CTNNA3: variants seen among roughly 807,000 people sequenced by gnomAD.
CTNNA3 encodes the protein catenin alpha 3.
In CTNNA3, 76 loss-of-function variants were observed where a neutral mutation model predicts 95.7. That is an observed-to-expected ratio of 0.79 (90% CI 0.66 to 0.96). The LOEUF (loss-of-function observed/expected upper bound fraction) is 0.96, where lower values mean the gene tolerates loss of function less well. Ranked by LOEUF, CTNNA3 falls within the 40% of genes least tolerant of loss-of-function variation. CTNNA3 has a pLI of 0.00. For synonymous variants in CTNNA3, 431 were observed against 374.4 expected (o/e 1.15, Z -1.74); for missense variants, 1,191 against 1,089.8 (o/e 1.09, Z -1.31).
At chr10:65,934,889 A>C (rs1000635962) in intron 17 of CTNNA3, among the ~76,000 whole-genome samples, 52 of 152,108 alleles carry the variant, frequency 3.4e-4, no homozygotes, top group Admixed American at 3.4e-3. Flanking sequence ...GGAGCTCTGT[A>C]GCCTTTTAGA....
chr10:66,713,565 A>G (rs914702172), intron 9 of CTNNA3, among the ~76,000 whole-genome samples: 3 of 152,038 alleles, frequency 2.0e-5, no homozygotes, highest in Admixed American at 6.6e-5. Context: ...AATAGATTAT[A>G]TCCTGGCAAC....
At chr10:67,383,342 G>A (rs1844021325) in intron 5 of CTNNA3, among the ~76,000 whole-genome samples, 2 of 152,242 alleles carry the variant, frequency 1.3e-5, no homozygotes, top group South Asian at 2.1e-4. Context: ...CATTACATGC[G>A]TAATGCTATT....
intron 13 of CTNNA3, among the ~76,000 whole-genome samples, chr10:66,191,535 T>A (rs1251862971): frequency 1.3e-5 from 2 of 152,006 alleles, no homozygotes; most frequent in African/African-American, 2.4e-5. Context: ...ACTTCCGTCA[T>A]TACTAGCAGC....
At chr10:66,162,733 G>A (rs954236313) in intron 13 of CTNNA3, among the ~76,000 whole-genome samples, 3 of 152,084 alleles carry the variant, frequency 2.0e-5, no homozygotes, top group Non-Finnish European at 2.9e-5. Context: ...AGGTATAGTA[G>A]TATGGAGAGG....
chr10:66,567,650 A>G (rs557288766), intron 10 of CTNNA3, among the ~76,000 whole-genome samples: 1 of 152,216 alleles, frequency 6.6e-6, no homozygotes, highest in South Asian at 2.1e-4. Flanking sequence ...TAAACGAGAG[A>G]GAGAGGAAAA....
chr10:66,092,318 G>C (rs566596134), intron 14 of CTNNA3, among the ~76,000 whole-genome samples: 1 of 151,978 alleles, frequency 6.6e-6, no homozygotes, highest in Middle Eastern at 3.4e-3. Flanking sequence ...ACAGCATTCA[G>C]AAAGACTCCT....
chr10:65,993,347 G>A (rs2078582477), intron 15 of CTNNA3, among the ~76,000 whole-genome samples: 1 of 152,176 alleles, frequency 6.6e-6, no homozygotes, highest in South Asian at 2.1e-4. Context: ...GAGTGTTGAA[G>A]TCTCCAACTA....
At position 66,032,941 on chromosome 10, in the gene CTNNA3, T is replaced by C. The variant is rs182285838; in HGVS notation, c.2159+36367A>G. On this transcript the variant is annotated intron_variant, in intron 15 of 17. Transcript: ENST00000433211. ...TCAAGGGACTTGCCCAAGGTCACCA[T>C]GTTTGGTAGAAGCAAAACAAATAGC... Among the ~76,000 whole-genome samples, 244 of 152,194 alleles carry C rather than the reference T, an allele frequency of 1.6e-3. 2 individuals carry two copies. The highest frequency in any genetic ancestry group is 5.4e-3 in the African/African-American group (225 of 41,550).
At chr10:66,306,819 A>C (rs7077010) in intron 12 of CTNNA3, among the ~76,000 whole-genome samples, 42,914 of 152,134 alleles carry the variant, frequency 0.28, 6,868 homozygotes, top group East Asian at 0.51. Context: ...CTTTGCATAC[A>C]AAAGTACATC....
intron 12 of CTNNA3, among the ~76,000 whole-genome samples, chr10:66,377,348 A>G (rs1162250269): frequency 6.6e-6 from 1 of 152,110 alleles, no homozygotes; most frequent in African/African-American, 2.4e-5. Flanking sequence ...AGAAGAAAAC[A>G]GATTTTTTTC....
chr10:66,168,461 T>C (rs1425894010), intron 13 of CTNNA3, among the ~76,000 whole-genome samples: 2 of 152,212 alleles, frequency 1.3e-5, no homozygotes, highest in East Asian at 3.8e-4. Context: ...TCAGTGGTTT[T>C]TTTCTGTTCA....
chr10:66,042,751 T>C (rs2079722706), intron 15 of CTNNA3, among the ~76,000 whole-genome samples: 1 of 150,586 alleles, frequency 6.6e-6, no homozygotes, highest in Non-Finnish European at 1.5e-5. Flanking sequence ...AATAAAAAAA[T>C]TAGCCAGGTG....
chr10:65,956,126 T>G (rs2077724823), intron 17 of CTNNA3, among the ~76,000 whole-genome samples: 1 of 152,160 alleles, frequency 6.6e-6, no homozygotes, highest in South Asian at 2.1e-4. Flanking sequence ...GGAGGGTGTA[T>G]GTGTCCAGCA....
intron 9 of CTNNA3, among the ~76,000 whole-genome samples, chr10:66,685,319 A>ATG (rs1413994687): frequency 2.6e-3 from 50 of 19,338 alleles, no homozygotes; most frequent in African/African-American, 0.013. Flanking sequence ...GTGTGTGTGT[A>ATG]TGTGTGTATA....
intron 3 of CTNNA3, among the ~76,000 whole-genome samples, chr10:67,604,018 A>G (rs1843171682): frequency 6.6e-6 from 1 of 152,190 alleles, no homozygotes; most frequent in Non-Finnish European, 1.5e-5. Context: ...GTTTAGATAT[A>G]CAAATACTTA....
chr10:66,796,516 A>T (rs1230089530), intron 7 of CTNNA3, among the ~76,000 whole-genome samples: 1 of 152,122 alleles, frequency 6.6e-6, no homozygotes, highest in Non-Finnish European at 1.5e-5. Flanking sequence ...TAATTTAAAA[A>T]TTTAAAATAT....
intron 7 of CTNNA3, among the ~76,000 whole-genome samples, chr10:66,805,276 A>G (rs1841593889): frequency 6.6e-6 from 1 of 151,876 alleles, no homozygotes; most frequent in South Asian, 2.1e-4. Context: ...CGTGTGTACA[A>G]CTATATGCTG....
At chr10:66,665,439 TGA>T (rs1238997489) in intron 9 of CTNNA3, among the ~76,000 whole-genome samples, 4 of 152,246 alleles carry the variant, frequency 2.6e-5, no homozygotes, top group Admixed American at 2.0e-4. Flanking sequence ...ATTTCAATAA[TGA>T]TTCCTGCAAA....
intron 15 of CTNNA3, among the ~76,000 whole-genome samples, chr10:66,060,497 A>C (rs911463209): frequency 2.0e-5 from 3 of 152,152 alleles, no homozygotes; most frequent in African/African-American, 4.8e-5. Context: ...TGGAAGATAA[A>C]ATAACAGCAA....
Sources: allele counts gnomAD v4.1 joint callset (sites outside exome capture counted in the v4.1 genomes callset), GRCh38; gene constraint gnomAD v4.1.1; transcripts MANE v1.5; gene names NCBI Gene and HGNC (gene_info 2026-07-23, HGNC 2026-07-21).